The following CALD1 variants were observed in gnomAD, a reference collection of about 807,000 sequenced individuals.
CALD1 encodes caldesmon.
CALD1 carries 33 observed loss-of-function variants against 99.9 expected under a neutral mutation model. The ratio of observed to expected loss-of-function variants is 0.33; its 90% CI spans 0.25 to 0.44. The LOEUF (loss-of-function observed/expected upper bound fraction) is 0.44, where lower values mean the gene tolerates loss of function less well. Among genes scored for constraint, CALD1 ranks in the 20% least tolerant of loss-of-function variants. CALD1 has a pLI of 1.00. For synonymous variants in CALD1, 310 were observed against 325.0 expected (o/e 0.95, Z 0.50); for missense variants, 861 against 962.1 (o/e 0.89, Z 1.39).
In CALD1 at chr7:134,928,804, G is replaced by C. The variant is rs774839540; in HGVS notation, c.122G>C (p.Arg41Pro). Residue 41 changes from arginine (R) to proline (P), a missense_variant, in exon 4 of 15, where the codon CGG becomes CCG. By Grantham distance (103) the Arg-to-Pro change is moderately radical. Transcript: ENST00000361675. ...GATGAAGAGGAGGCAGCCCGGGAAC[G>C]GCGCCGCCGAGCCCGACAGGAACGG... ...DDDEEEAARERRRRARQERLR... is the reference protein window; with the variant it reads ...DDDEEEAAREPRRRARQERLR... 1.2e-6 allele frequency: 2 copies of C among 1,614,022 alleles called. No individual in the cohort carries two copies. The highest frequency in any genetic ancestry group is 1.7e-6 in the Non-Finnish European group (2 of 1,179,956).
chr7:134,721,530 A>G, the CALD1 span, among the ~76,000 whole-genome samples: 1 of 151,908 alleles, frequency 6.6e-6, no homozygotes, highest in African/African-American at 2.4e-5. Flanking sequence ...ATAGTAGAAC[A>G]GTTTACTGGG....
At chr7:134,754,742 A>T (rs1474030078) in intron 1 of CALD1, among the ~76,000 whole-genome samples, 1 of 79,372 alleles carries the variant, frequency 1.3e-5, no homozygotes, top group East Asian at 0.012. Flanking sequence ...CATTCTACTC[A>T]ACTACTAAAC....
chr7:134,788,751 G>T (rs990955478), intron 1 of CALD1, among the ~76,000 whole-genome samples: 1 of 152,084 alleles, frequency 6.6e-6, no homozygotes, highest in East Asian at 1.9e-4. Flanking sequence ...GTGGTAGCTC[G>T]TGCCTGTAGT....
intron 1 of CALD1, among the ~76,000 whole-genome samples, chr7:134,802,231 TACC>T (rs1338135746): frequency 6.6e-6 from 1 of 152,164 alleles, no homozygotes; most frequent in Non-Finnish European, 1.5e-5. Flanking sequence ...CAATTTCCAT[TACC>T]ACATTGCCTA....
At position 134,958,889 on chromosome 7, in the gene CALD1, A is replaced by ATATATATATTTAAC. The variant is rs1554479122; in HGVS notation, c.2061+608_2061+609insTTAACTATATATAT. On this transcript the variant is annotated intron_variant, in intron 11 of 14. Coordinates refer to ENST00000361675, the MANE Select transcript of CALD1 (RefSeq NM_033138.4). ...GGTATTTAAATATATATATATATAT[A>ATATATATATTTAAC]TATATATATATATATATATATTTAA... Among the ~76,000 whole-genome samples the ATATATATATTTAAC allele has an allele frequency of 9.1e-4, 127 of 140,084 alleles. 2 individuals are homozygous for ATATATATATTTAAC. The highest frequency in any genetic ancestry group is 3.3e-3 in the South Asian group (15 of 4,506). 91.9% of individuals were successfully genotyped at this position (140,084 alleles called of 152,430 possible). A position where few individuals can be genotyped will look rare whatever the true frequency, so the allele number is the denominator to read the frequency against.
chr7:134,808,979 A>G (rs537292519), intron 1 of CALD1, among the ~76,000 whole-genome samples: 1 of 152,248 alleles, frequency 6.6e-6, no homozygotes, highest in Non-Finnish European at 1.5e-5. Context: ...GTAGTTGAAT[A>G]TTTTAGGATG....
chr7:134,968,723 GT>G lies in CALD1; in HGVS notation c.*385del. 1 of 333,940 alleles carries G rather than the reference GT, an allele frequency of 3.0e-6. No individual in the cohort carries two copies. The highest frequency in any genetic ancestry group is 3.3e-5 in the South Asian group (1 of 30,530). The allele number at this position is 333,940 out of a possible 1,614,324, so 20.7% of individuals were successfully genotyped here. A position where few individuals can be genotyped will look rare whatever the true frequency, so the allele number is the denominator to read the frequency against. The stretch of plus-strand genomic sequence containing the variant: ...TCTAGAAAAATGAACCGTAGTTTTT[GT>G]TTTTTTAAATACAGAAGTCATGTTG... On this transcript the variant is annotated 3_prime_UTR_variant, in exon 15 of 15. Coordinates refer to ENST00000361675, the MANE Select transcript of CALD1 (RefSeq NM_033138.4).
intron 1 of CALD1, among the ~76,000 whole-genome samples, chr7:134,815,598 A>G (rs1798528541): frequency 1.3e-5 from 2 of 152,166 alleles, no homozygotes; most frequent in Non-Finnish European, 2.9e-5. Flanking sequence ...GTGACCCTCT[A>G]AACCATTTCT....
chr7:134,746,563 TGCATGCTA>T (rs1796636590), intron 1 of CALD1, among the ~76,000 whole-genome samples: 1 of 152,034 alleles, frequency 6.6e-6, no homozygotes, highest in African/African-American at 2.4e-5. Context: ...AGTTTTGAGG[TGCATGCTA>T]GAAAAAGCCT....
intron 3 of CALD1, among the ~76,000 whole-genome samples, chr7:134,881,767 C>T (rs1166977368): frequency 6.6e-6 from 1 of 152,154 alleles, no homozygotes; most frequent in Non-Finnish European, 1.5e-5. Flanking sequence ...TAAAATGTCA[C>T]CTGTCACCCT....
At chr7:134,895,883 C>A (rs576153880) in intron 3 of CALD1, among the ~76,000 whole-genome samples, 95 of 152,322 alleles carry the variant, frequency 6.2e-4, no homozygotes, top group African/African-American at 2.2e-3. Flanking sequence ...CAGTAAACAA[C>A]TTTCCCACCA....
chr7:134,728,320 C>T, the CALD1 span, among the ~76,000 whole-genome samples: 4 of 152,186 alleles, frequency 2.6e-5, no homozygotes, highest in Middle Eastern at 3.2e-3. Flanking sequence ...GACTCCAGCA[C>T]AGCCACGTGG....
At chr7:134,774,572 C>T (rs1016817338) in intron 1 of CALD1, among the ~76,000 whole-genome samples, 1 of 152,174 alleles carries the variant, frequency 6.6e-6, no homozygotes, top group African/African-American at 2.4e-5. Context: ...GGGTAGAGGA[C>T]GCTATCTGGA....
chr7:134,857,200 G>A (rs562486339), intron 2 of CALD1, among the ~76,000 whole-genome samples: 1 of 115,026 alleles, frequency 8.7e-6, no homozygotes, highest in Non-Finnish European at 1.6e-5. Flanking sequence ...ACAGAGTCTC[G>A]CTCTGTCACC....
intron 1 of CALD1, among the ~76,000 whole-genome samples, chr7:134,810,802 G>A (rs1412845426): frequency 6.6e-6 from 1 of 152,178 alleles, no homozygotes; most frequent in Non-Finnish European, 1.5e-5. Context: ...CAGCAGCTAG[G>A]TGTGTGGGAG....
At chr7:134,945,818 C>T (rs1806816000) in intron 7 of CALD1, among the ~76,000 whole-genome samples, 1 of 152,206 alleles carries the variant, frequency 6.6e-6, no homozygotes, top group Non-Finnish European at 1.5e-5. Context: ...TAAGGACTTT[C>T]CTGGAGCAGC....
intron 3 of CALD1, among the ~76,000 whole-genome samples, chr7:134,907,065 T>C (rs1803444241): frequency 6.6e-6 from 1 of 152,136 alleles, no homozygotes; most frequent in Non-Finnish European, 1.5e-5. Context: ...AAGATCAAAT[T>C]AGATCGCATA....
intron 9 of CALD1, 26 bp from the exon 10 acceptor site, chr7:134,958,043 G>T (rs961704499): frequency 1.3e-6 from 2 of 1,541,406 alleles, no homozygotes; most frequent in Admixed American, 1.7e-5. Flanking sequence ...ATATTAATTG[G>T]GTTTATTTTC....
chr7:134,735,966 C>T, the CALD1 span, among the ~76,000 whole-genome samples: 1 of 152,144 alleles, frequency 6.6e-6, no homozygotes, highest in East Asian at 1.9e-4. Context: ...CACCAACACA[C>T]TGAGCAGAAA....
Sources: gnomAD v4.1 joint callset for allele counts (sites outside exome capture counted in the v4.1 genomes callset) on GRCh38, gnomAD v4.1.1 for gene constraint, MANE v1.5 for transcripts, NCBI Gene and HGNC (gene_info 2026-07-23, HGNC 2026-07-21) for gene names.